KIAA1958: variants seen among roughly 807,000 people sequenced by gnomAD.
KIAA1958 encodes the protein uncharacterized protein KIAA1958.
In KIAA1958, 14 loss-of-function variants were observed where a neutral mutation model predicts 47.2. That is an observed-to-expected ratio of 0.30 (90% CI 0.20 to 0.46). KIAA1958 has a LOEUF of 0.46. Ranked by LOEUF, KIAA1958 falls within the 20% of genes least tolerant of loss-of-function variation. KIAA1958 has a pLI of 1.00. For missense variants in KIAA1958, 803 were observed against 909.2 expected, an observed-to-expected ratio of 0.88 and a Z score of 1.50; for synonymous variants, 354 against 353.3, an observed-to-expected ratio of 1.00 and a Z score of -0.02.
rs1015890639 is a variant in KIAA1958, at chr9:112,669,002, T to C, written c.*8933T>C. ...ACTGTTCTGTAATTTTGTTTTAATATAGAGGATACCCATAATTTCTTAACA... is the reference window on the plus strand; with the variant it reads ...ACTGTTCTGTAATTTTGTTTTAATACAGAGGATACCCATAATTTCTTAACA... On this transcript the variant is annotated 3_prime_UTR_variant, in exon 4 of 4. Coordinates refer to ENST00000337530, the MANE Select transcript of KIAA1958 (RefSeq NM_133465.4). The C allele has an allele frequency of 6.6e-6, 1 of 152,252 alleles. No homozygotes were observed. Among genetic ancestry groups the C allele is most frequent in the Non-Finnish European group, 1.5e-5 (1 of 68,042 alleles). 9.4% of individuals were successfully genotyped at this position (152,252 alleles called of 1,614,324 possible).
At chr9:112,513,001 C>A (rs1404795773) in intron 1 of KIAA1958, among the ~76,000 whole-genome samples, 1 of 102,268 alleles carries the variant, frequency 9.8e-6, no homozygotes, top group Non-Finnish European at 1.9e-5. Flanking sequence ...CCATGCCCAG[C>A]TAATTTTTTT....
At chr9:112,547,909 T>A (rs1447357798) in intron 1 of KIAA1958, among the ~76,000 whole-genome samples, 2 of 152,078 alleles carry the variant, frequency 1.3e-5, no homozygotes, top group African/African-American at 4.8e-5. Flanking sequence ...CAGGACCTCT[T>A]ATCTTAACCC....
intron 2 of KIAA1958, among the ~76,000 whole-genome samples, chr9:112,619,876 C>A (rs578187741): frequency 6.6e-6 from 1 of 152,150 alleles, no homozygotes; most frequent in Non-Finnish European, 1.5e-5. Flanking sequence ...AACTCATCCT[C>A]TTCAAAGTTC....
chr9:112,538,129 G>A (rs1424111557), intron 1 of KIAA1958, among the ~76,000 whole-genome samples: 6 of 152,042 alleles, frequency 3.9e-5, no homozygotes, highest in African/African-American at 7.2e-5. Context: ...CCAGGAGTTC[G>A]AGACTAGCCT....
intron 2 of KIAA1958, among the ~76,000 whole-genome samples, chr9:112,632,796 T>C (rs1352278575): frequency 6.6e-6 from 1 of 152,142 alleles, no homozygotes; most frequent in African/African-American, 2.4e-5. Flanking sequence ...TTTCCAAATT[T>C]TTTCGCATGT....
At chr9:112,632,815 A>G (rs899810224) in intron 2 of KIAA1958, among the ~76,000 whole-genome samples, 1 of 151,392 alleles carries the variant, frequency 6.6e-6, no homozygotes, top group Non-Finnish European at 1.5e-5. Context: ...GTAATCATCT[A>G]TATTTTATAC....
intron 2 of KIAA1958, among the ~76,000 whole-genome samples, chr9:112,639,470 T>A (rs1352518484): frequency 6.6e-6 from 1 of 152,154 alleles, no homozygotes. Context: ...CTGCTTAGGC[T>A]ATGACACCTT....
intron 2 of KIAA1958, among the ~76,000 whole-genome samples, chr9:112,579,666 A>G (rs1835705170): frequency 6.6e-6 from 1 of 152,116 alleles, no homozygotes; most frequent in Non-Finnish European, 1.5e-5. Context: ...TGTATTTTAT[A>G]CAAAAAATGC....
At chr9:112,647,644 A>G (rs1329781784) in intron 3 of KIAA1958, among the ~76,000 whole-genome samples, 1 of 152,244 alleles carries the variant, frequency 6.6e-6, no homozygotes, top group Non-Finnish European at 1.5e-5. Context: ...CAGATTTAAA[A>G]ACAAATTGAA....
At chr9:112,645,628 C>T (rs1306762279) in intron 2 of KIAA1958, 22 bp from the exon 3 acceptor site, 24 of 1,520,718 alleles carry the variant, frequency 1.6e-5, no homozygotes, top group Non-Finnish European at 2.0e-5. Flanking sequence ...TATTTTAATG[C>T]TTTTATTGTT....
chr9:112,507,589 T>G (rs919667440), intron 1 of KIAA1958, among the ~76,000 whole-genome samples: 4 of 152,160 alleles, frequency 2.6e-5, no homozygotes, highest in Non-Finnish European at 2.9e-5. Context: ...CCTCAAGTGA[T>G]CCTCTTGACT....
chr9:112,572,279 C>A (rs894286355), intron 1 of KIAA1958, among the ~76,000 whole-genome samples: 1 of 152,052 alleles, frequency 6.6e-6, no homozygotes, highest in African/African-American at 2.4e-5. Context: ...GAGTCTTATA[C>A]GTTCACTTTG....
chr9:112,587,335 A>C (rs928537184), intron 2 of KIAA1958, among the ~76,000 whole-genome samples: 1 of 152,096 alleles, frequency 6.6e-6, no homozygotes, highest in Non-Finnish European at 1.5e-5. Flanking sequence ...TTTTAAGTAG[A>C]GACGGGGTTT....
At chr9:112,533,706 A>G (rs562681271) in intron 1 of KIAA1958, among the ~76,000 whole-genome samples, 2 of 152,298 alleles carry the variant, frequency 1.3e-5, no homozygotes, top group South Asian at 4.1e-4. Flanking sequence ...GGCAGGAGAT[A>G]GAATGAGTGC....
chr9:112,634,488 C>A (rs989711628), intron 2 of KIAA1958, among the ~76,000 whole-genome samples: 3 of 152,192 alleles, frequency 2.0e-5, no homozygotes, highest in Non-Finnish European at 2.9e-5. Flanking sequence ...GCCTTGGCCT[C>A]CCAAAGTGCT....
intron 1 of KIAA1958, among the ~76,000 whole-genome samples, chr9:112,557,226 T>C (rs1299778964): frequency 1.2e-4 from 19 of 152,122 alleles, no homozygotes; most frequent in Admixed American, 1.2e-3. Flanking sequence ...TGCTAAAGTG[T>C]TGGAATTACA....
chr9:112,513,486 C>CTTAGGGAGCCCGTCCGGCCATGGTGGT (rs1288220827), intron 1 of KIAA1958, among the ~76,000 whole-genome samples: 1 of 21,492 alleles, frequency 4.7e-5, no homozygotes, highest in Non-Finnish European at 8.2e-5. Context: ...GGGTCGGTGG[C>CTTAGGGAGCCCGTCCGGCCATGGTGGT]CGCGGCTGGT....
intron 1 of KIAA1958, among the ~76,000 whole-genome samples, chr9:112,559,176 G>C (rs543013382): frequency 1.3e-5 from 2 of 152,346 alleles, no homozygotes; most frequent in East Asian, 3.9e-4. Context: ...AGTCAAGGGT[G>C]ACTTGCAGGA....
At chr9:112,511,283 ACT>A (rs1834320801) in intron 1 of KIAA1958, among the ~76,000 whole-genome samples, 1 of 152,128 alleles carries the variant, frequency 6.6e-6, no homozygotes. Context: ...TGAATCAGAA[ACT>A]CTGGGGGTGA....
Sources: gnomAD v4.1 joint callset for allele counts (sites outside exome capture counted in the v4.1 genomes callset) on GRCh38, gnomAD v4.1.1 for gene constraint, MANE v1.5 for transcripts, NCBI Gene and HGNC (gene_info 2026-07-23, HGNC 2026-07-21) for gene names.